The following FOXO1 variants were observed in gnomAD, a reference collection of about 807,000 sequenced individuals.
FOXO1 encodes forkhead box O1.
Under a neutral mutation model 44.1 loss-of-function variants are expected in FOXO1, and 6 were observed. That is an observed-to-expected ratio of 0.14 (90% CI 0.07 to 0.27). The LOEUF (loss-of-function observed/expected upper bound fraction) is 0.27. FOXO1 is among the 10% of genes least tolerant of loss of function. The pLI, the probability that FOXO1 is intolerant of heterozygous loss-of-function variation, is 1.00. For synonymous variants in FOXO1, 380 were observed against 362.7 expected (o/e 1.05, Z -0.54); for missense variants, 737 against 888.8 (o/e 0.83, Z 2.17).
At position 40,664,334 on chromosome 13, in the gene FOXO1, G is replaced by A. The variant is rs57449484; in HGVS notation, c.630+1249C>T. ...CCTTTACAGCAATTCCGCCACCGGT[G>A]ACAGTGAGAAACTGTCAGCTTGGGG... On this transcript the variant is annotated intron_variant, in intron 1 of 2. Coordinates refer to ENST00000379561, the MANE Select transcript of FOXO1 (RefSeq NM_002015.4). Among the ~76,000 whole-genome samples, 865 of 152,244 alleles carry A rather than the reference G, an allele frequency of 5.7e-3. 7 individuals are homozygous for A. Among genetic ancestry groups the A allele is most frequent in the African/African-American group, 0.02 (826 of 41,552 alleles).
chr13:40,648,519 AT>A (rs1394854368), intron 1 of FOXO1, among the ~76,000 whole-genome samples: 1 of 152,272 alleles, frequency 6.6e-6, no homozygotes, highest in African/African-American at 2.4e-5. Context: ...TCAGGCTTCC[AT>A]AAAAAGCATG....
chr13:40,617,160 G>A (rs1278390520), intron 1 of FOXO1, among the ~76,000 whole-genome samples: 1 of 152,186 alleles, frequency 6.6e-6, no homozygotes, highest in East Asian at 1.9e-4. Context: ...TAACAAAGGT[G>A]AAAGGCCAGG....
chr13:40,644,540 G>C (rs764831781), intron 1 of FOXO1, among the ~76,000 whole-genome samples: 10 of 152,186 alleles, frequency 6.6e-5, no homozygotes, highest in Admixed American at 6.5e-4. Flanking sequence ...AGACCTGCAC[G>C]TGAGTCCGGT....
intron 1 of FOXO1, among the ~76,000 whole-genome samples, chr13:40,653,994 C>A (rs1273944867): frequency 1.3e-5 from 2 of 152,106 alleles, no homozygotes; most frequent in South Asian, 2.1e-4. Context: ...CAAGAAATAT[C>A]TTTAATGAAA....
intron 1 of FOXO1, among the ~76,000 whole-genome samples, chr13:40,662,467 C>T (rs73469065): frequency 8.1e-4 from 124 of 152,178 alleles, no homozygotes; most frequent in African/African-American, 2.9e-3. Context: ...TAGAAGATCC[C>T]GGGTTTTCCA....
intron 1 of FOXO1, among the ~76,000 whole-genome samples, chr13:40,590,008 G>A (rs920284446): frequency 3.9e-5 from 6 of 152,168 alleles, no homozygotes; most frequent in Non-Finnish European, 7.4e-5. Flanking sequence ...CAATAAATAC[G>A]TTTTAATAAA....
At chr13:40,662,387 G>T (rs1465640590) in intron 1 of FOXO1, among the ~76,000 whole-genome samples, 1 of 151,878 alleles carries the variant, frequency 6.6e-6, no homozygotes, top group Non-Finnish European at 1.5e-5. Flanking sequence ...CCAAGCTTTA[G>T]AAGGCTTTCT....
chr13:40,577,934 G>A (rs1874821503), intron 1 of FOXO1, among the ~76,000 whole-genome samples: 1 of 152,012 alleles, frequency 6.6e-6, no homozygotes, highest in African/African-American at 2.4e-5. Flanking sequence ...CTGCTTGGCT[G>A]GAACAAACTT....
chr13:40,660,040 T>C (rs887700003), intron 1 of FOXO1, among the ~76,000 whole-genome samples: 1 of 152,190 alleles, frequency 6.6e-6, no homozygotes, highest in Admixed American at 6.5e-5. Context: ...GCATATCCCT[T>C]AGGCATCAAA....
intron 1 of FOXO1, among the ~76,000 whole-genome samples, chr13:40,652,845 C>A (rs1566085897): frequency 6.6e-6 from 1 of 152,172 alleles, no homozygotes; most frequent in Non-Finnish European, 1.5e-5. Context: ...ATGAACCACT[C>A]CCAAATATTT....
rs1873865233 is a variant in FOXO1, at chr13:40,558,923, TTTTG to T, written c.*122_*125del. On this transcript the variant is annotated 3_prime_UTR_variant, in exon 3 of 3. Coordinates refer to ENST00000379561, the MANE Select transcript of FOXO1 (RefSeq NM_002015.4). The stretch of plus-strand genomic sequence containing the variant: ...GAAAGGAAAAAAGGAGGGTTTTTTT[TTTTG>T]TTTTTTTTTTTAACCAAGAAAACTA... 2.7e-6 allele frequency: 1 copy of T among 364,228 alleles called. No homozygotes were observed. Among genetic ancestry groups the T allele is most frequent in the South Asian group, 1.6e-4 (1 of 6,256 alleles). 22.6% of individuals were successfully genotyped at this position (364,228 alleles called of 1,614,324 possible).
At chr13:40,568,565 G>C (rs1435084599) in intron 1 of FOXO1, among the ~76,000 whole-genome samples, 1 of 152,078 alleles carries the variant, frequency 6.6e-6, no homozygotes, top group Non-Finnish European at 1.5e-5. Context: ...TTTTTTACAA[G>C]AGTTGTCAGT....
intron 1 of FOXO1, among the ~76,000 whole-genome samples, chr13:40,564,098 G>T (rs1874163617): frequency 6.6e-6 from 1 of 152,180 alleles, no homozygotes. Flanking sequence ...AAGCTTCCTG[G>T]TTGTTGCATT....
chr13:40,560,711 G>A lies in FOXO1; in HGVS notation c.780C>T (p.Asn260=), dbSNP rs1285722800. The A allele has an allele frequency of 1.2e-6, 2 of 1,614,072 alleles. No individual in the cohort carries two copies. The highest frequency in any genetic ancestry group is 2.7e-5 in the African/African-American group (2 of 74,934). The change falls in exon 2 of 3, where the codon AAC becomes AAT. Residue 260 remains asparagine (N), a synonymous_variant. Transcript: ENST00000379561. The surrounding 1 kb of genome is among the most constrained non-coding windows in gnomAD (Gnocchi z 5.1). ...PRRRAASMDN[N]SKFAKSRSRA... ...GGCTTCGGCTCTTAGCAAATTTACTGTTGTTGTCCATGGATGCAGCTCTTC... is the reference window on the plus strand; with the variant it reads ...GGCTTCGGCTCTTAGCAAATTTACTATTGTTGTCCATGGATGCAGCTCTTC...
At chr13:40,650,056 A>C (rs1178743664) in intron 1 of FOXO1, among the ~76,000 whole-genome samples, 1 of 152,236 alleles carries the variant, frequency 6.6e-6, no homozygotes, top group Non-Finnish European at 1.5e-5. Flanking sequence ...CCGTAGACAA[A>C]GCAGCCCAAG....
chr13:40,619,797 A>G lies in FOXO1; in HGVS notation c.630+45786T>C. 3.8e-6 allele frequency: 3 copies of G among 782,074 alleles called. No homozygotes were observed. The Admixed American group carries it at 5.1e-5, about 13-fold the overall frequency. 48.4% of individuals were successfully genotyped at this position (782,074 alleles called of 1,614,324 possible). A position where few individuals can be genotyped will look rare whatever the true frequency, so the allele number is the denominator to read the frequency against. On this transcript the variant is annotated intron_variant, in intron 1 of 2. Coordinates refer to ENST00000379561, the MANE Select transcript of FOXO1 (RefSeq NM_002015.4). Reference sequence around the variant, plus strand: ...CTGGCATTCCCAGAGCTAGTGCTTCACGCACTAATTTCAGTAGTCACACAA... The same window carrying G: ...CTGGCATTCCCAGAGCTAGTGCTTCGCGCACTAATTTCAGTAGTCACACAA...
intron 1 of FOXO1, among the ~76,000 whole-genome samples, chr13:40,610,037 G>A (rs931430107): frequency 3.3e-5 from 5 of 151,944 alleles, no homozygotes; most frequent in African/African-American, 4.8e-5. Context: ...ATTACCCTAC[G>A]ACAATTTTCA....
intron 1 of FOXO1, among the ~76,000 whole-genome samples, chr13:40,601,405 C>CGTTA (rs1875810172): frequency 1.3e-5 from 2 of 152,124 alleles, no homozygotes; most frequent in Non-Finnish European, 2.9e-5. Context: ...TAACCAGTGG[C>CGTTA]TTCAAAAAGA....
In FOXO1 at chr13:40,585,632, C is replaced by T. The variant is rs549913437; in HGVS notation, c.631-24772G>A. Among the ~76,000 whole-genome samples, 15 of 152,176 alleles carry T rather than the reference C, an allele frequency of 9.9e-5. No individual in the cohort carries two copies. The South Asian group carries it at 2.7e-3, about 27-fold the overall frequency. The stretch of plus-strand genomic sequence containing the variant: ...CCCTGAAGACATGAAAAGTGGAATG[C>T]GCTTTCATGAGATGAAAGCTTCTGC... On this transcript the variant is annotated intron_variant, in intron 1 of 2. Transcript: ENST00000379561.
Sources: gnomAD v4.1 joint callset for allele counts (sites outside exome capture counted in the v4.1 genomes callset) on GRCh38, gnomAD v4.1.1 for gene constraint, Gnocchi (gnomAD v3.1) non-coding constraint, MANE v1.5 for transcripts, NCBI Gene and HGNC (gene_info 2026-07-23, HGNC 2026-07-21) for gene names.